The following ZNF331 variants were observed in gnomAD, a reference collection of about 807,000 sequenced individuals.
ZNF331 encodes C2H2-like zinc finger protein rearranged in thyroid adenomas.
ZNF331 carries 2 observed loss-of-function variants against 7.0 expected under a neutral mutation model. The ratio of observed to expected loss-of-function variants is 0.29; its 90% CI spans 0.12 to 0.90. The LOEUF (loss-of-function observed/expected upper bound fraction) is 0.90, where lower values mean the gene tolerates loss of function less well. ZNF331 is among the 40% of genes least tolerant of loss of function. ZNF331 has a pLI of 0.58. For missense variants in ZNF331, 432 were observed against 587.7 expected (o/e 0.74, Z 2.74); for synonymous variants, 196 against 205.4 (o/e 0.95, Z 0.39).
chr19:53,577,925 A>T lies in ZNF331; in HGVS notation c.1365A>T (p.Arg455=). The stretch of plus-strand genomic sequence containing the variant: ...CATGTAACCACCTAAACCATCTCCG[A>T]GAACATCAGAGGATCCACAACAGTT... The part of the protein sequence containing the change: ...GKACNHLNHL[R]EHQRIHNS Residue 455 remains arginine (R), a synonymous_variant, in exon 6 of 6, where the codon CGA becomes CGT. Coordinates refer to ENST00000449416, the MANE Select transcript of ZNF331 (RefSeq NM_001079906.2). The T allele has an allele frequency of 4.3e-6, 7 of 1,613,274 alleles. No homozygotes were observed. Among genetic ancestry groups the T allele is most frequent in the Non-Finnish European group, 5.9e-6 (7 of 1,179,610 alleles).
chr19:53,522,207 T>C (rs956082098), intron 1 of ZNF331: 3 of 151,954 alleles, frequency 2.0e-5, no homozygotes, highest in Admixed American at 1.3e-4. Context: ...TTATTTCTGA[T>C]TGATTTTAAC....
At chr19:53,563,285 A>G (rs2089988910) in intron 3 of ZNF331, among the ~76,000 whole-genome samples, 1 of 151,856 alleles carries the variant, frequency 6.6e-6, no homozygotes, top group African/African-American at 2.4e-5. Context: ...ATGGGGTTTC[A>G]CCATGTTGGG....
At chr19:53,520,214 A>C, upstream of ZNF331, among the ~76,000 whole-genome samples, 1 of 124,950 alleles carries the variant, frequency 8.0e-6, no homozygotes, top group African/African-American at 3.2e-5. Flanking sequence ...CGCCTGGCTA[A>C]TTTTTGCATT....
chr19:53,557,321 A>G (rs1356388911), intron 3 of ZNF331, among the ~76,000 whole-genome samples: 1 of 152,138 alleles, frequency 6.6e-6, no homozygotes, highest in Non-Finnish European at 1.5e-5. Context: ...TGCCAGTGCA[A>G]GCAGCTTCCG....
chr19:53,514,349 C>A, the ZNF331 span, among the ~76,000 whole-genome samples: 1 of 152,034 alleles, frequency 6.6e-6, no homozygotes, highest in East Asian at 1.9e-4. Flanking sequence ...CAGACACATG[C>A]CACCACACCC....
At chr19:53,519,948 C>T (rs755402417), upstream of ZNF331, among the ~76,000 whole-genome samples, 1 of 152,180 alleles carries the variant, frequency 6.6e-6, no homozygotes, top group East Asian at 1.9e-4. Context: ...CAAGAACGCT[C>T]TGGAGGCACA....
the ZNF331 span, among the ~76,000 whole-genome samples, chr19:53,507,554 G>C: frequency 6.6e-6 from 1 of 152,118 alleles, no homozygotes; most frequent in South Asian, 2.1e-4. Flanking sequence ...GCATTATGGG[G>C]TCCCAAATTT....
intron 3 of ZNF331, among the ~76,000 whole-genome samples, chr19:53,568,849 C>CTTTTTTTTTT (rs537822108): frequency 1.3e-5 from 1 of 77,100 alleles, no homozygotes; most frequent in African/African-American, 5.5e-5. Flanking sequence ...CCATGATACT[C>CTTTTTTTTTT]TTTTTTTTTT....
intron 2 of ZNF331, among the ~76,000 whole-genome samples, chr19:53,524,348 C>T (rs1237338064): frequency 6.6e-6 from 1 of 152,186 alleles, no homozygotes; most frequent in Non-Finnish European, 1.5e-5. Context: ...CACTGTCTTC[C>T]ACAATGGTTG....
At chr19:53,514,576 T>C (rs368953584), upstream of ZNF331, among the ~76,000 whole-genome samples, 34 of 152,094 alleles carry the variant, frequency 2.2e-4, no homozygotes, top group Middle Eastern at 3.4e-3. Flanking sequence ...TTCAATGACG[T>C]CCAATGTCTG....
intron 2 of ZNF331, among the ~76,000 whole-genome samples, chr19:53,541,169 G>A (rs539772292): frequency 6.7e-5 from 10 of 148,878 alleles, no homozygotes; most frequent in Non-Finnish European, 1.2e-4. Context: ...GTGCAATGGC[G>A]TGATCTCAGC....
upstream of ZNF331, among the ~76,000 whole-genome samples, chr19:53,533,145 C>T (rs546619646): frequency 2.1e-5 from 3 of 143,388 alleles, no homozygotes; most frequent in African/African-American, 7.4e-5. Flanking sequence ...TATAAACTTC[C>T]CTCTTAGAAC....
At position 53,579,994 on chromosome 19, in the gene ZNF331, G is replaced by A. The variant is rs1189679589; in HGVS notation, c.*2042G>A. ...ATAAGTAAGTGAAAATGTATTCAAT[G>A]TCATTGCTCCTCAAGGAACTGTAGA... is the stretch of plus-strand genomic sequence containing the variant. On this transcript the variant is annotated 3_prime_UTR_variant, in exon 6 of 6. Transcript: ENST00000449416. 2 of 208,282 alleles carry A rather than the reference G, an allele frequency of 9.6e-6. No individual in the cohort carries two copies. Among genetic ancestry groups the A allele is most frequent in the Non-Finnish European group, 2.0e-5 (2 of 102,404 alleles). 12.9% of individuals were successfully genotyped at this position (208,282 alleles called of 1,614,324 possible).
At chr19:53,546,538 C>T (rs989520119) in intron 2 of ZNF331, among the ~76,000 whole-genome samples, 1 of 150,824 alleles carries the variant, frequency 6.6e-6, no homozygotes, top group African/African-American at 2.4e-5. Flanking sequence ...GAAAAATCCC[C>T]CCTAAAAAAA....
At position 53,569,275 on chromosome 19, in the gene ZNF331, C is replaced by T. The variant is rs1178045355; in HGVS notation, c.-73-29C>T. 26 of 1,367,192 alleles carry T rather than the reference C, an allele frequency of 1.9e-5. No individual in the cohort carries two copies. In the East Asian group the frequency reaches 5.0e-4, roughly 27 times the overall value. 84.7% of individuals were successfully genotyped at this position (1,367,192 alleles called of 1,614,324 possible). The stretch of plus-strand genomic sequence containing the variant: ...CACTATGGGGACCCCAGATGCACCT[C>T]GTTTTAATCTCTTTTTTTCCACCCC... On this transcript the variant is annotated intron_variant, in intron 3 of 5. Transcript: ENST00000449416.
intron 3 of ZNF331, 51 bp from the exon 4 acceptor site, chr19:53,569,253 T>G: frequency 9.8e-7 from 1 of 1,020,018 alleles, no homozygotes; most frequent in Non-Finnish European, 1.5e-6. Context: ...ATTACATCAC[T>G]ATGGGGACCC....
intron 2 of ZNF331, among the ~76,000 whole-genome samples, chr19:53,542,504 G>A (rs1339650090): frequency 6.6e-6 from 1 of 152,128 alleles, no homozygotes; most frequent in Non-Finnish European, 1.5e-5. Flanking sequence ...GATAGAAAAA[G>A]AATTAGATGA....
At chr19:53,572,478 T>C (rs2090491943) in intron 5 of ZNF331, among the ~76,000 whole-genome samples, 1 of 151,094 alleles carries the variant, frequency 6.6e-6, no homozygotes, top group African/African-American at 2.4e-5. Context: ...GGGTAACAGA[T>C]CAAGACCCCA....
chr19:53,567,480 G>T (rs1270964848), intron 3 of ZNF331, among the ~76,000 whole-genome samples: 1 of 152,080 alleles, frequency 6.6e-6, no homozygotes, highest in Non-Finnish European at 1.5e-5. Flanking sequence ...GGTATGGTCT[G>T]CATAGAAGAC....
Sources: allele counts gnomAD v4.1 joint callset (sites outside exome capture counted in the v4.1 genomes callset), GRCh38; gene constraint gnomAD v4.1.1; transcripts MANE v1.5; gene names NCBI Gene and HGNC (gene_info 2026-07-23, HGNC 2026-07-21).